Variants in NRXN1 observed in about 807,000 individuals in gnomAD.
The protein encoded by NRXN1 is neurexin-1.
In NRXN1, 39 loss-of-function variants were observed where a neutral mutation model predicts 150.9. The observed-to-expected ratio is 0.26, with a 90% CI of 0.20 to 0.34. The LOEUF (loss-of-function observed/expected upper bound fraction) is 0.34. NRXN1 is among the 10% of genes least tolerant of loss of function. NRXN1 has a pLI of 1.00. For synonymous variants in NRXN1, 924 were observed against 757.0 expected, an observed-to-expected ratio of 1.22 and a Z score of -3.62; for missense variants, 1,815 against 1,949.9, an observed-to-expected ratio of 0.93 and a Z score of 1.30.
chr2:50,863,797 TA>T (rs1479740979), intron 5 of NRXN1, among the ~76,000 whole-genome samples: 6 of 151,964 alleles, frequency 3.9e-5, no homozygotes, highest in Non-Finnish European at 7.4e-5. Context: ...AGTCAGACAT[TA>T]AAAAACTGTA....
chr2:50,402,556 G>GAT (rs1267365963), intron 17 of NRXN1, among the ~76,000 whole-genome samples: 8 of 152,072 alleles, frequency 5.3e-5, no homozygotes, highest in African/African-American at 1.9e-4. Context: ...CCTGCTGGTC[G>GAT]ATTACGGAAG....
chr2:50,373,665 A>AGAAGGAAG (rs2080239166), intron 17 of NRXN1, among the ~76,000 whole-genome samples: 1 of 106,566 alleles, frequency 9.4e-6, no homozygotes, highest in African/African-American at 4.0e-5. Context: ...AAAGAAAGAA[A>AGAAGGAAG]GAAAGAAAGA....
At chr2:50,533,700 G>A (rs1452387442) in intron 10 of NRXN1, among the ~76,000 whole-genome samples, 1 of 152,006 alleles carries the variant, frequency 6.6e-6, no homozygotes, top group Non-Finnish European at 1.5e-5. Context: ...CATCTCTCTG[G>A]CCTCAGCTTT....
rs533944115 is a variant in NRXN1, at chr2:50,662,884, C to T, written c.833-39269G>A. Among the ~76,000 whole-genome samples the T allele has an allele frequency of 1.1e-4, 17 of 152,014 alleles. No individual in the cohort carries two copies. The South Asian group carries it at 3.3e-3, about 30-fold the overall frequency. ...CTTCCCAACTTGAGACAGAATAAAA[C>T]TTCTCTAGAGATGTTGTAAAATCAT... On this transcript the variant is annotated intron_variant, in intron 5 of 22. Transcript: ENST00000401669.
At chr2:50,452,540 TA>T (rs759651336) in intron 17 of NRXN1, among the ~76,000 whole-genome samples, 4 of 152,086 alleles carry the variant, frequency 2.6e-5, no homozygotes, top group Non-Finnish European at 5.9e-5. Context: ...CTATGTGATT[TA>T]AAAAGAAATA....
chr2:49,979,713 T>C (rs1679643112), intron 21 of NRXN1, among the ~76,000 whole-genome samples: 2 of 152,254 alleles, frequency 1.3e-5, no homozygotes, highest in South Asian at 2.1e-4. Context: ...TGGTGGAAAA[T>C]CCAAGCAGAT....
At chr2:50,579,493 A>C (rs1671932629) in intron 8 of NRXN1, among the ~76,000 whole-genome samples, 1 of 152,148 alleles carries the variant, frequency 6.6e-6, no homozygotes, top group African/African-American at 2.4e-5. Context: ...ACCAAAAACA[A>C]GCAAAATTAG....
At chr2:50,338,124 A>G (rs536545702) in intron 17 of NRXN1, among the ~76,000 whole-genome samples, 1 of 152,246 alleles carries the variant, frequency 6.6e-6, no homozygotes, top group Non-Finnish European at 1.5e-5. Flanking sequence ...AGCATGTCCA[A>G]TTAGCCACTT....
intron 8 of NRXN1, among the ~76,000 whole-genome samples, chr2:50,601,469 C>G (rs188386172): frequency 1.5e-3 from 225 of 152,262 alleles, no homozygotes; most frequent in Middle Eastern, 0.01. Flanking sequence ...TTCGAGTTAT[C>G]ACAATTGATT....
At chr2:50,646,393 C>A (rs541924053) in intron 5 of NRXN1, among the ~76,000 whole-genome samples, 2 of 152,046 alleles carry the variant, frequency 1.3e-5, no homozygotes, top group South Asian at 2.1e-4. Flanking sequence ...TGAAATTGGT[C>A]AATTTGTTTA....
intron 17 of NRXN1, among the ~76,000 whole-genome samples, chr2:50,268,134 G>C (rs2069118132): frequency 6.6e-6 from 1 of 152,158 alleles, no homozygotes; most frequent in African/African-American, 2.4e-5. Flanking sequence ...AGGTTGCAGT[G>C]AGCAGAGATT....
At chr2:50,730,270 T>A (rs186543333) in intron 5 of NRXN1, among the ~76,000 whole-genome samples, 2,133 of 152,296 alleles carry the variant, frequency 0.014, 24 homozygotes, top group Admixed American at 0.042. Flanking sequence ...ACTATTTTTT[T>A]AAATTTCCTA....
chr2:50,565,161 T>C (rs1245655564), intron 8 of NRXN1, among the ~76,000 whole-genome samples: 1 of 151,994 alleles, frequency 6.6e-6, no homozygotes, highest in Non-Finnish European at 1.5e-5. Context: ...AGCTCAAGAA[T>C]GGAAGGGGAA....
intron 17 of NRXN1, among the ~76,000 whole-genome samples, chr2:50,445,157 AAAAGAGTCCTGCTGG>A (rs2086288792): frequency 6.6e-6 from 1 of 152,176 alleles, no homozygotes; most frequent in Non-Finnish European, 1.5e-5. Flanking sequence ...GTGCTGTCCT[AAAAGAGTCCTGCTGG>A]ATGGCCCGCA....
rs373738929 is a variant in NRXN1 at position 50,374,152 on chromosome 2, C to A, written c.3364+91290G>T. Reference sequence around the variant, plus strand: ...TTTCAAAAAGAAGAAAAAAAAATAGCCGGCTGTAGTGGGGGCACACCTGTA... The same window carrying A: ...TTTCAAAAAGAAGAAAAAAAAATAGACGGCTGTAGTGGGGGCACACCTGTA... On this transcript the variant is annotated intron_variant, in intron 17 of 22. Transcript: ENST00000401669. Among the ~76,000 whole-genome samples, 237 of 151,524 alleles carry A rather than the reference C, an allele frequency of 1.6e-3. 5 individuals carry two copies. In the South Asian group the frequency reaches 0.047, roughly 30 times the overall value.
At chr2:50,608,709 G>A (rs907388985) in intron 8 of NRXN1, among the ~76,000 whole-genome samples, 11 of 152,110 alleles carry the variant, frequency 7.2e-5, no homozygotes, top group Non-Finnish European at 1.5e-4. Flanking sequence ...GGAAGAAAAT[G>A]TTACTGAATA....
intron 8 of NRXN1, among the ~76,000 whole-genome samples, chr2:50,565,110 T>C (rs1669651894): frequency 6.6e-6 from 1 of 152,078 alleles, no homozygotes; most frequent in African/African-American, 2.4e-5. Context: ...CTGACTTTGG[T>C]GTCCAAGATT....
At chr2:49,989,076 T>A (rs944242905) in intron 21 of NRXN1, among the ~76,000 whole-genome samples, 1 of 152,178 alleles carries the variant, frequency 6.6e-6, no homozygotes, top group South Asian at 2.1e-4. Context: ...TTTAAGCTTA[T>A]GAATGCTAAG....
rs1482912225 is a variant in NRXN1, at chr2:50,823,270, T to C, written c.832+98599A>G. ...GATTATTTAAAGTCTATCACAAAACTGTTACAGTGAGAAGACTGAGTTAAC... is the reference window on the plus strand; with the variant it reads ...GATTATTTAAAGTCTATCACAAAACCGTTACAGTGAGAAGACTGAGTTAAC... On this transcript the variant is annotated intron_variant, in intron 5 of 22. Coordinates refer to ENST00000401669, the MANE Select transcript of NRXN1 (RefSeq NM_001330078.2). Among the ~76,000 whole-genome samples the C allele has an allele frequency of 3.3e-5, 5 of 152,272 alleles. No homozygotes were observed. The East Asian group carries it at 9.7e-4, about 29-fold the overall frequency.
Sources: allele counts gnomAD v4.1 joint callset (sites outside exome capture counted in the v4.1 genomes callset), GRCh38; gene constraint gnomAD v4.1.1; transcripts MANE v1.5; gene names NCBI Gene and HGNC (gene_info 2026-07-23, HGNC 2026-07-21).